The following TIMM50 variants were observed in gnomAD, a reference collection of about 807,000 sequenced individuals.
TIMM50 encodes translocase of inner mitochondrial membrane 50.
Under a neutral mutation model 49.6 loss-of-function variants are expected in TIMM50, and 34 were observed. The observed-to-expected ratio is 0.69, with a 90% CI of 0.52 to 0.91. TIMM50 has a LOEUF of 0.91. Among genes scored for constraint, TIMM50 ranks in the 40% least tolerant of loss-of-function variants. The probability of loss-of-function intolerance (pLI) is 0.00; values close to 1 mark genes in which losing one functional copy is unlikely to be tolerated. For synonymous variants in TIMM50, 199 were observed against 198.4 expected (o/e 1.00, Z -0.03); for missense variants, 458 against 477.8 (o/e 0.96, Z 0.39).
intron 8 of TIMM50, among the ~76,000 whole-genome samples, chr19:39,487,546 C>G (rs575821178): frequency 1.3e-5 from 2 of 152,154 alleles, no homozygotes; most frequent in Non-Finnish European, 2.9e-5. Flanking sequence ...CAACCTCCCC[C>G]TCCCAGGTTC....
At position 39,480,981 on chromosome 19, in the gene TIMM50, C is replaced by T. The variant is rs142904888; in HGVS notation, c.108+20C>T. 6.4e-3 allele frequency: 10,057 copies of T among 1,567,380 alleles called. 40 individuals carry two copies. The highest frequency in any genetic ancestry group is 0.011 in the Middle Eastern group (50 of 4,438). ...GATCAGGTGAGCGGAACGAGGGTGG[C>T]CCTCTGAATGTGGGGTCCCTTCCCT... On this transcript the variant is annotated intron_variant, in intron 1 of 10. Transcript: ENST00000607714.
chr19:39,485,333 A>G, intron 4 of TIMM50: 1 of 610,632 alleles, frequency 1.6e-6, no homozygotes, highest in Non-Finnish European at 2.9e-6. Context: ...TGTGGATATA[A>G]GTATCAGCTT....
intron 8 of TIMM50, 85 bp downstream of exon 8, chr19:39,486,580 C>G: frequency 3.2e-6 from 4 of 1,237,418 alleles, no homozygotes; most frequent in East Asian, 2.4e-5. Context: ...TGACCCTAGC[C>G]TCACCTGGCT....
intron 8 of TIMM50, 61 bp from the exon 9 acceptor site, chr19:39,488,000 G>T: frequency 6.4e-7 from 1 of 1,561,722 alleles, no homozygotes; most frequent in East Asian, 2.3e-5. Context: ...TGTGTTTTGG[G>T]TCTTCTTGAT....
chr19:39,483,005 T>C (rs2079482886), intron 3 of TIMM50, 89 bp downstream of exon 3: 1 of 1,608,486 alleles, frequency 6.2e-7, no homozygotes, highest in Admixed American at 1.7e-5. Context: ...ACATTGCTGG[T>C]CTGGAGTGAG....
In TIMM50 at chr19:39,485,579, A is replaced by G; in HGVS notation, c.349A>G (p.Lys117Glu). 1 of 1,614,128 alleles carries G rather than the reference A, an allele frequency of 6.2e-7. No individual in the cohort carries two copies. The highest frequency in any genetic ancestry group is 8.5e-7 in the Non-Finnish European group (1 of 1,180,024). Reference sequence around the variant, plus strand: ...GGTACAGCAGTTGCGCCGGACATACAAATATTTCAAAGATTATAGACAGGT... The same window carrying G: ...GGTACAGCAGTTGCGCCGGACATACGAATATTTCAAAGATTATAGACAGGT... ...ILVQQLRRTY[K>E]YFKDYRQMII... The change falls in exon 5 of 11, where the codon AAA (lysine) becomes GAA (glutamate). Residue 117 changes from lysine (K) to glutamate (E), a missense_variant. Physicochemically the swap from Lys to Glu is moderately conservative, Grantham distance 56. Coordinates refer to ENST00000607714, the MANE Select transcript of TIMM50 (RefSeq NM_001001563.5).
In TIMM50 at chr19:39,489,956, G is replaced by A; in HGVS notation, c.*136G>A. The A allele has an allele frequency of 1.2e-6, 1 of 834,850 alleles. No individual in the cohort carries two copies. The highest frequency in any genetic ancestry group is 1.9e-6 in the Non-Finnish European group (1 of 525,778). The allele number at this position is 834,850 out of a possible 1,614,324, so 51.7% of individuals were successfully genotyped here. A position where few individuals can be genotyped will look rare whatever the true frequency, so the allele number is the denominator to read the frequency against. ...GTGTCCCGAGAGTCTCCAGATGGGG[G>A]CATCAGGGTGAGGTCCGGGACTCTT... On this transcript the variant is annotated 3_prime_UTR_variant, in exon 11 of 11. Transcript: ENST00000607714.
At position 39,487,970 on chromosome 19, in the gene TIMM50, GTGTA is replaced by G. The variant is rs10581377; in HGVS notation, c.697-79_697-76del. The G allele has an allele frequency of 0.54, 817,973 of 1,510,920 alleles. 225,025 individuals carry two copies. Among genetic ancestry groups the G allele is most frequent in the African/African-American group, 0.76 (54,884 of 72,554 alleles). The allele number at this position is 1,510,920 out of a possible 1,614,324, so 93.6% of individuals were successfully genotyped here. A position where few individuals can be genotyped will look rare whatever the true frequency, so the allele number is the denominator to read the frequency against. On this transcript the variant is annotated intron_variant, in intron 8 of 10. Coordinates refer to ENST00000607714, the MANE Select transcript of TIMM50 (RefSeq NM_001001563.5). Reference sequence around the variant, plus strand: ...TTGTGATCCCAGTATGTGTGATGCTGTGTATGTATGTATGTTTTGTGTGTTTTGG... The same window carrying G: ...TTGTGATCCCAGTATGTGTGATGCTGTGTATGTATGTTTTGTGTGTTTTGG...
intron 2 of TIMM50, among the ~76,000 whole-genome samples, chr19:39,482,483 C>G (rs2079478834): frequency 2.1e-5 from 3 of 142,130 alleles, no homozygotes; most frequent in Admixed American, 2.1e-4. Flanking sequence ...CGGTGAAACC[C>G]CATCTCTACT....
chr19:39,489,676 C>T, intron 10 of TIMM50, 43 bp from the exon 11 acceptor site: 2 of 1,547,054 alleles, frequency 1.3e-6, no homozygotes, highest in South Asian at 1.2e-5. Flanking sequence ...AGGCTCTGTC[C>T]ACCTTGCGCT....
chr19:39,480,878 T>G lies in TIMM50; in HGVS notation c.25T>G (p.Ser9Ala). 2 of 1,599,896 alleles carry G rather than the reference T, an allele frequency of 1.3e-6. No homozygotes were observed. Among genetic ancestry groups the G allele is most frequent in the Non-Finnish European group, 1.7e-6 (2 of 1,176,118 alleles). The stretch of plus-strand genomic sequence containing the variant: ...GATGGCGGCCTCGGCAGCGGTGTTC[T>G]CGCGCTTGCGAAGCGGGCTCCGGCT... The part of the protein sequence containing the change: MAASAAVF[S>A]RLRSGLRLGS... The change falls in exon 1 of 11, where the codon TCG (serine) becomes GCG (alanine). Residue 9 changes from serine to alanine, a missense_variant. Ser to Ala is a moderately conservative substitution (Grantham distance 99). Transcript: ENST00000607714.
intron 9 of TIMM50, 33 bp from the exon 10 acceptor site, chr19:39,488,506 A>G: frequency 1.3e-6 from 2 of 1,598,192 alleles, no homozygotes; most frequent in South Asian, 2.2e-5. Flanking sequence ...GGCCTTTAGA[A>G]GCCTGGCTGA....
At chr19:39,483,016 CCTTT>C in intron 3 of TIMM50, 100 bp downstream of exon 3, 7 of 1,606,438 alleles carry the variant, frequency 4.4e-6, no homozygotes, top group Non-Finnish European at 6.0e-6. Context: ...CTGGAGTGAG[CCTTT>C]CTTTCCCAGT....
In TIMM50 at chr19:39,488,546, A is replaced by G. The variant is rs1170086545; in HGVS notation, c.861A>G (p.Ala287=). Residue 287 remains alanine, a synonymous_variant, in exon 10 of 11, where the codon GCA becomes GCG. Coordinates refer to ENST00000607714, the MANE Select transcript of TIMM50 (RefSeq NM_001001563.5). ...LDLSAFLKTI[A]LNGVEDVRTV... ...CCCCTGTTGTGCCCACAGCCATTGC[A>G]CTGAATGGTGTGGAGGACGTGCGAA... 3.3e-5 allele frequency: 54 copies of G among 1,612,622 alleles called. No homozygotes were observed. Among genetic ancestry groups the G allele is most frequent in the Non-Finnish European group, 4.6e-5 (54 of 1,179,864 alleles).
rs1323703103 is a variant in TIMM50 at position 39,490,584 on chromosome 19, G to C, written c.*764G>C. The C allele has an allele frequency of 1.3e-5, 2 of 151,750 alleles. No homozygotes were observed. Among genetic ancestry groups the C allele is most frequent in the Admixed American group, 6.6e-5 (1 of 15,222 alleles). The allele number at this position is 151,750 out of a possible 1,614,324, so 9.4% of individuals were successfully genotyped here. A position where few individuals can be genotyped will look rare whatever the true frequency, so the allele number is the denominator to read the frequency against. On this transcript the variant is annotated 3_prime_UTR_variant, in exon 11 of 11. Coordinates refer to ENST00000607714, the MANE Select transcript of TIMM50 (RefSeq NM_001001563.5). ...AAACAAATTTTTTTTTTGTAGAGATGGGGTCTTGGTGCCCAAGCTGGTCTC... is the reference window on the plus strand; with the variant it reads ...AAACAAATTTTTTTTTTGTAGAGATCGGGTCTTGGTGCCCAAGCTGGTCTC...
intron 9 of TIMM50, 122 bp downstream of exon 9, chr19:39,488,339 G>A: frequency 1.6e-6 from 2 of 1,234,590 alleles, no homozygotes; most frequent in African/African-American, 1.5e-5. Context: ...GCACCTTGGA[G>A]TCTTTAGGAG....
At chr19:39,485,324 G>A in intron 4 of TIMM50, 1 of 598,700 alleles carries the variant, frequency 1.7e-6, no homozygotes, top group Non-Finnish European at 3.0e-6. Context: ...GGGGTAGTAT[G>A]TGGATATAAG....
At position 39,481,964 on chromosome 19, in the gene TIMM50, A is replaced by G; in HGVS notation, c.190A>G (p.Lys64Glu). Residue 64 changes from lysine to glutamate, a missense_variant, in exon 2 of 11, where the codon AAA becomes GAA. Coordinates refer to ENST00000607714, the MANE Select transcript of TIMM50 (RefSeq NM_001001563.5). Reference sequence around the variant, plus strand: ...GGGCTCAGAGGGTCCCAGCTATGCCAAAAAAGTTGCGCTCTGGCTTGCTGG... The same window carrying G: ...GGGCTCAGAGGGTCCCAGCTATGCCGAAAAAGTTGCGCTCTGGCTTGCTGG... ...QPGSEGPSYA[K>E]KVALWLAGLL... The G allele has an allele frequency of 6.2e-7, 1 of 1,614,044 alleles. No homozygotes were observed. Among genetic ancestry groups the G allele is most frequent in the Non-Finnish European group, 8.5e-7 (1 of 1,179,952 alleles).
chr19:39,483,985 C>T (rs1292787844), intron 4 of TIMM50, among the ~76,000 whole-genome samples: 1 of 152,092 alleles, frequency 6.6e-6, no homozygotes, highest in African/African-American at 2.4e-5. Context: ...TCCCGAGTAG[C>T]TGGGAGTACA....
Sources: allele counts gnomAD v4.1 joint callset (sites outside exome capture counted in the v4.1 genomes callset), GRCh38; gene constraint gnomAD v4.1.1; transcripts MANE v1.5; gene names NCBI Gene and HGNC (gene_info 2026-07-23, HGNC 2026-07-21).